Variants in DOCK1 observed in about 807,000 individuals in gnomAD.
DOCK1 encodes dedicator of cytokinesis 1, also known as dedicator of cytokinesis protein 1.
DOCK1 carries 138 observed loss-of-function variants against 262.7 expected under a neutral mutation model. The observed-to-expected ratio is 0.53, with a 90% CI of 0.46 to 0.61. The LOEUF is 0.61. DOCK1 is among the 20% of genes least tolerant of loss of function. The pLI is 0.00. For synonymous variants in DOCK1, 866 were observed against 867.4 expected, an observed-to-expected ratio of 1.00 and a Z score of 0.03; for missense variants, 1,908 against 2,370.7, an observed-to-expected ratio of 0.80 and a Z score of 4.05.
chr10:127,096,131 G>A (rs928177029), intron 23 of DOCK1, among the ~76,000 whole-genome samples: 2 of 152,210 alleles, frequency 1.3e-5, no homozygotes, highest in African/African-American at 4.8e-5. Flanking sequence ...ATAAGGGATT[G>A]AAGCAATTGT....
intron 25 of DOCK1, among the ~76,000 whole-genome samples, chr10:127,111,825 A>G (rs1005364352): frequency 2.6e-5 from 4 of 152,206 alleles, no homozygotes; most frequent in African/African-American, 7.2e-5. Context: ...ATGAGTGTCA[A>G]CCGTCCATGA....
chr10:126,949,135 G>T (rs1401468388), intron 1 of DOCK1, among the ~76,000 whole-genome samples: 1 of 152,056 alleles, frequency 6.6e-6, no homozygotes, highest in African/African-American at 2.4e-5. Context: ...CTGGCACTCT[G>T]GGTTCCCCTC....
chr10:127,199,477 C>A (rs1469754472), intron 27 of DOCK1, among the ~76,000 whole-genome samples: 1 of 152,208 alleles, frequency 6.6e-6, no homozygotes, highest in Admixed American at 6.5e-5. Context: ...ATAAAGATTT[C>A]TTGGTTCTTC....
chr10:127,236,902 A>G (rs1240979742), intron 27 of DOCK1, among the ~76,000 whole-genome samples: 1 of 152,150 alleles, frequency 6.6e-6, no homozygotes, highest in East Asian at 1.9e-4. Flanking sequence ...AGTTTTACAG[A>G]TGAGGAAAAC....
chr10:127,302,007 G>A (rs578003170), intron 29 of DOCK1, among the ~76,000 whole-genome samples: 7 of 152,002 alleles, frequency 4.6e-5, no homozygotes, highest in Admixed American at 2.0e-4. Flanking sequence ...CCTGCTTTGT[G>A]TGTGCCTTCC....
chr10:127,316,223 T>C (rs1476677587), intron 29 of DOCK1, among the ~76,000 whole-genome samples: 1 of 152,180 alleles, frequency 6.6e-6, no homozygotes. Flanking sequence ...ACAATATTAT[T>C]AACTCTGGTC....
Position 127,433,390 on chromosome 10 carries a change from C to T in DOCK1, c.5022C>T (p.Leu1674=), listed in dbSNP as rs761489013. The T allele has an allele frequency of 6.2e-7, 1 of 1,614,010 alleles. No individual in the cohort carries two copies. The highest frequency in any genetic ancestry group is 1.7e-5 in the Admixed American group (1 of 60,026). ...RPLSVASVSS[L]SSDSTPSRPG... is the part of the protein sequence containing the mutation. ...TGTCTGTGGCCTCTGTCTCTTCCCT[C>T]TCATCGGACAGCACCCCTTCCAGAC... Residue 1674 remains leucine, a synonymous_variant, in exon 48 of 52, where the codon CTC becomes CTT. Transcript: ENST00000623213.
rs961476453 is a variant in DOCK1, at chr10:127,165,645, A to G, written c.2847+37881A>G. On this transcript the variant is annotated intron_variant, in intron 27 of 51. Transcript: ENST00000623213. The stretch of plus-strand genomic sequence containing the variant: ...GTTGTTCACATGGATGTGGACATCA[A>G]TATGAGGAAGGAAGAGCCAGACAGG... Among the ~76,000 whole-genome samples the G allele has an allele frequency of 5.3e-5, 8 of 152,302 alleles. No homozygotes were observed. In the South Asian group the frequency reaches 1.0e-3, roughly 20 times the overall value.
At chr10:127,402,710 C>T (rs770061292) in intron 38 of DOCK1, 7 of 533,444 alleles carry the variant, frequency 1.3e-5, no homozygotes, top group Non-Finnish European at 2.6e-5. Flanking sequence ...GTTCCTTTTC[C>T]CTGGCTCCAA....
At chr10:127,210,500 G>A (rs780467390) in intron 27 of DOCK1, among the ~76,000 whole-genome samples, 26 of 152,226 alleles carry the variant, frequency 1.7e-4, no homozygotes, top group Non-Finnish European at 3.4e-4. Flanking sequence ...GGCTGAGCCC[G>A]GGAAACCAGG....
intron 10 of DOCK1, among the ~76,000 whole-genome samples, chr10:127,004,791 A>C: frequency 8.4e-6 from 1 of 118,528 alleles, no homozygotes; most frequent in Non-Finnish European, 1.7e-5. Flanking sequence ...CCCCAAAAAA[A>C]AGAAAAAAGT....
chr10:127,190,212 G>A (rs2056616789), intron 27 of DOCK1, among the ~76,000 whole-genome samples: 1 of 152,196 alleles, frequency 6.6e-6, no homozygotes, highest in Non-Finnish European at 1.5e-5. Flanking sequence ...GAATCGCTGA[G>A]GTTGAGTTTG....
At chr10:126,969,654 C>A (rs2037945589) in intron 1 of DOCK1, among the ~76,000 whole-genome samples, 1 of 152,062 alleles carries the variant, frequency 6.6e-6, no homozygotes, top group South Asian at 2.1e-4. Flanking sequence ...GAGGTGCACC[C>A]AGTGGGAAGG....
At chr10:127,277,575 T>C (rs578151835) in intron 29 of DOCK1, among the ~76,000 whole-genome samples, 6 of 152,228 alleles carry the variant, frequency 3.9e-5, no homozygotes, top group East Asian at 1.9e-4. Context: ...CTGACCAATA[T>C]GGTGAAACCT....
Position 127,425,859 on chromosome 10 carries a change from C to T in DOCK1, c.4777-15C>T, listed in dbSNP as rs2068779501. 6.2e-7 allele frequency: 1 copy of T among 1,613,964 alleles called. No homozygotes were observed. The highest frequency in any genetic ancestry group is 8.5e-7 in the Non-Finnish European group (1 of 1,179,858). ...TATCCAAGAAATAAGGAATGTCAAC[C>T]TCTCTGTTTTCCAGATTCCTTTTCT... is the stretch of plus-strand genomic sequence containing the variant. On this transcript the variant is annotated splice_polypyrimidine_tract_variant and intron_variant, in intron 46 of 51. Coordinates refer to ENST00000623213, the MANE Select transcript of DOCK1 (RefSeq NM_001290223.2).
At chr10:127,072,742 T>C (rs139088195) in intron 23 of DOCK1, among the ~76,000 whole-genome samples, 7 of 152,318 alleles carry the variant, frequency 4.6e-5, no homozygotes, top group Middle Eastern at 3.4e-3. Context: ...AAGACTTTGA[T>C]GCGTGTTATC....
At chr10:127,406,684 C>T (rs2067534899) in intron 40 of DOCK1, among the ~76,000 whole-genome samples, 1 of 152,142 alleles carries the variant, frequency 6.6e-6, no homozygotes, top group Non-Finnish European at 1.5e-5. Context: ...TATTTATAGA[C>T]CTTACAAGGA....
chr10:127,097,095 A>T (rs541991812), intron 23 of DOCK1, among the ~76,000 whole-genome samples: 2 of 152,090 alleles, frequency 1.3e-5, no homozygotes, highest in Admixed American at 1.3e-4. Context: ...ACAGAGTGAG[A>T]CTCTATCTCA....
At chr10:127,146,500 G>C (rs913488375) in intron 27 of DOCK1, among the ~76,000 whole-genome samples, 5 of 152,138 alleles carry the variant, frequency 3.3e-5, no homozygotes, top group African/African-American at 1.2e-4. Context: ...AGAATTTAGA[G>C]ATCTGTCAGA....
Sources: allele counts gnomAD v4.1 joint callset (sites outside exome capture counted in the v4.1 genomes callset), GRCh38; gene constraint gnomAD v4.1.1; transcripts MANE v1.5; gene names NCBI Gene and HGNC (gene_info 2026-07-23, HGNC 2026-07-21).